The following ARL15 variants were observed in gnomAD, a reference collection of about 807,000 sequenced individuals.
ARL15 encodes the protein ADP-ribosylation factor-like protein 15.
In ARL15, 19 loss-of-function variants were observed where a neutral mutation model predicts 25.2. The ratio of observed to expected loss-of-function variants is 0.75; its 90% confidence interval spans 0.53 to 1.10. The LOEUF (loss-of-function observed/expected upper bound fraction) is 1.10. ARL15 is among the 50% of genes least tolerant of loss of function. ARL15 has a pLI of 0.00. For synonymous variants in ARL15, 94 were observed against 86.8 expected, an observed-to-expected ratio of 1.08 and a Z score of -0.46; for missense variants, 220 against 246.0, an observed-to-expected ratio of 0.89 and a Z score of 0.71.
intron 3 of ARL15, among the ~76,000 whole-genome samples, chr5:54,147,179 T>C (rs945959922): frequency 2.0e-5 from 3 of 152,170 alleles, no homozygotes; most frequent in African/African-American, 7.2e-5. Flanking sequence ...AGGAGTTAAC[T>C]GGCTGTTCTC....
At chr5:54,181,559 C>A (rs187241342) in intron 1 of ARL15, among the ~76,000 whole-genome samples, 1 of 152,290 alleles carries the variant, frequency 6.6e-6, no homozygotes, top group South Asian at 2.1e-4. Flanking sequence ...TAAAAATACA[C>A]AAACACTTTT....
Position 54,126,603 on chromosome 5 carries a change from G to T in ARL15, c.254-13193C>A, listed in dbSNP as rs184299726. ...GGTCCTCAATCCAACAGTGTTGGGG[G>T]GTAGGGCCTAATAGAAGTTGCTTAG... On this transcript the variant is annotated intron_variant, in intron 3 of 4. Coordinates refer to ENST00000504924, the MANE Select transcript of ARL15 (RefSeq NM_019087.3). 2.6e-3 allele frequency among the ~76,000 whole-genome samples: 389 copies of T among 152,258 alleles called. 2 individuals carry two copies. Among genetic ancestry groups the T allele is most frequent in the Non-Finnish European group, 4.2e-3 (289 of 68,014 alleles).
intron 1 of ARL15, among the ~76,000 whole-genome samples, chr5:54,188,550 C>T (rs1755303530): frequency 6.6e-6 from 1 of 151,940 alleles, no homozygotes; most frequent in Non-Finnish European, 1.5e-5. Flanking sequence ...TAGACATGGA[C>T]AGTATTTGCC....
intron 4 of ARL15, among the ~76,000 whole-genome samples, chr5:53,899,011 A>C (rs1196395507): frequency 2.0e-5 from 3 of 151,982 alleles, no homozygotes; most frequent in African/African-American, 7.3e-5. Context: ...TAATTTTAGA[A>C]ATTTAAGTTT....
At chr5:54,169,881 G>A (rs1473834468) in intron 2 of ARL15, among the ~76,000 whole-genome samples, 1 of 152,002 alleles carries the variant, frequency 6.6e-6, no homozygotes, top group African/African-American at 2.4e-5. Context: ...TCTTCTCTGG[G>A]GTCTCTACTC....
intron 4 of ARL15, among the ~76,000 whole-genome samples, chr5:53,927,882 A>C (rs1746080004): frequency 6.6e-6 from 1 of 152,130 alleles, no homozygotes; most frequent in African/African-American, 2.4e-5. Flanking sequence ...TTTGCCCTTT[A>C]CTAACTCTGT....
At chr5:53,928,752 T>C (rs1746110605) in intron 4 of ARL15, among the ~76,000 whole-genome samples, 1 of 152,210 alleles carries the variant, frequency 6.6e-6, no homozygotes, top group African/African-American at 2.4e-5. Context: ...TTCAAGAATA[T>C]TATACAATGC....
intron 1 of ARL15, among the ~76,000 whole-genome samples, chr5:54,307,203 G>A (rs1260914105): frequency 6.6e-6 from 1 of 152,068 alleles, no homozygotes; most frequent in Non-Finnish European, 1.5e-5. Context: ...TGTTTAAATT[G>A]CCACCCTGGC....
chr5:54,084,645 A>G (rs1375379128), intron 4 of ARL15, among the ~76,000 whole-genome samples: 2 of 152,068 alleles, frequency 1.3e-5, no homozygotes, highest in African/African-American at 4.8e-5. Context: ...TCCCCTCCAG[A>G]GCCAGATTTG....
intron 4 of ARL15, among the ~76,000 whole-genome samples, chr5:54,014,683 G>C (rs775332863): frequency 1.3e-5 from 2 of 151,830 alleles, no homozygotes; most frequent in African/African-American, 4.8e-5. Context: ...ACCATACCTG[G>C]CTAGATTTTT....
Position 54,059,401 on chromosome 5 carries a change from G to A in ARL15, c.462+53801C>T, listed in dbSNP as rs143483371. ...CTTGTGGGTCCTCTGGTGTTTTTCCGATTTTTAATTCAACATAGTGCACGG... is the reference window on the plus strand; with the variant it reads ...CTTGTGGGTCCTCTGGTGTTTTTCCAATTTTTAATTCAACATAGTGCACGG... On this transcript the variant is annotated intron_variant, in intron 4 of 4. Transcript: ENST00000504924. Among the ~76,000 whole-genome samples the A allele has an allele frequency of 2.5e-3, 378 of 152,300 alleles. 1 individual carries two copies. The highest frequency in any genetic ancestry group is 8.8e-3 in the African/African-American group (367 of 41,572).
chr5:54,037,805 C>A (rs928051682), intron 4 of ARL15, among the ~76,000 whole-genome samples: 7 of 151,924 alleles, frequency 4.6e-5, no homozygotes, highest in Non-Finnish European at 7.4e-5. Flanking sequence ...ATTTGCAACT[C>A]AAGGGGACAT....
At position 54,170,899 on chromosome 5, in the gene ARL15, C is replaced by A. The variant is rs78111154; in HGVS notation, c.193+885G>T. 2.6e-4 allele frequency among the ~76,000 whole-genome samples: 39 copies of A among 152,240 alleles called. No individual in the cohort carries two copies. The East Asian group carries it at 4.2e-3, about 17-fold the overall frequency. Reference sequence around the variant, plus strand: ...TGCTCAAAATAAGCTGGCTGATGAACAATCTTTTCAACTTTCCAGAAAACA... The same window carrying A: ...TGCTCAAAATAAGCTGGCTGATGAAAAATCTTTTCAACTTTCCAGAAAACA... On this transcript the variant is annotated intron_variant, in intron 2 of 4. Coordinates refer to ENST00000504924, the MANE Select transcript of ARL15 (RefSeq NM_019087.3).
At chr5:54,270,275 T>C (rs1757747883) in intron 1 of ARL15, among the ~76,000 whole-genome samples, 1 of 151,642 alleles carries the variant, frequency 6.6e-6, no homozygotes, top group Non-Finnish European at 1.5e-5. Flanking sequence ...ATATTTTGAG[T>C]TTTTCCTTTG....
chr5:53,994,006 G>A (rs1437796269), intron 4 of ARL15, among the ~76,000 whole-genome samples: 2 of 152,080 alleles, frequency 1.3e-5, no homozygotes, highest in East Asian at 1.9e-4. Flanking sequence ...AAGTTCATGC[G>A]TCCTAACCCA....
At chr5:54,005,931 C>A (rs139852390) in intron 4 of ARL15, among the ~76,000 whole-genome samples, 2,525 of 150,656 alleles carry the variant, frequency 0.017, 91 homozygotes, top group African/African-American at 0.057. Flanking sequence ...CCCAGCTACT[C>A]AGGAGGCTGT....
chr5:54,082,230 C>T (rs1429716511), intron 4 of ARL15, among the ~76,000 whole-genome samples: 2 of 152,072 alleles, frequency 1.3e-5, no homozygotes, highest in Non-Finnish European at 2.9e-5. Flanking sequence ...TCTTTTTCAT[C>T]CTGACCCTTG....
chr5:53,955,007 C>T (rs908422265), intron 4 of ARL15, among the ~76,000 whole-genome samples: 1 of 151,734 alleles, frequency 6.6e-6, no homozygotes, highest in Admixed American at 6.6e-5. Flanking sequence ...CACTGAAATG[C>T]ACATCTCCTG....
chr5:54,271,393 T>C (rs1032531907), intron 1 of ARL15, among the ~76,000 whole-genome samples: 8 of 152,222 alleles, frequency 5.3e-5, no homozygotes, highest in African/African-American at 1.7e-4. Flanking sequence ...ATATAACCTA[T>C]GCACATCCTC....
Sources: gnomAD v4.1 joint callset for allele counts (sites outside exome capture counted in the v4.1 genomes callset) on GRCh38, gnomAD v4.1.1 for gene constraint, MANE v1.5 for transcripts, NCBI Gene and HGNC (gene_info 2026-07-23, HGNC 2026-07-21) for gene names.